CLCN3: variants seen among roughly 807,000 people sequenced by gnomAD.
The protein encoded by CLCN3 is Cl-/H+ antiporter 3.
CLCN3 carries 16 observed loss-of-function variants against 83.4 expected under a neutral mutation model. The observed-to-expected ratio is 0.19, with a 90% CI of 0.13 to 0.29. The LOEUF is 0.29. Ranked by LOEUF, CLCN3 falls within the 10% of genes least tolerant of loss-of-function variation. CLCN3 has a pLI of 1.00. For missense variants in CLCN3, 544 were observed against 1,006.0 expected (o/e 0.54, Z 6.21); for synonymous variants, 322 against 346.2 (o/e 0.93, Z 0.78).
At chr4:169,686,334 A>G (rs1274355223) in intron 3 of CLCN3, among the ~76,000 whole-genome samples, 1 of 152,082 alleles carries the variant, frequency 6.6e-6, no homozygotes, top group Non-Finnish European at 1.5e-5. Context: ...ATAAAAAAAA[A>G]AAAAGAAATA....
chr4:169,639,324 G>T (rs1447077954), intron 2 of CLCN3, among the ~76,000 whole-genome samples: 5 of 152,222 alleles, frequency 3.3e-5, no homozygotes, highest in Admixed American at 6.5e-5. Flanking sequence ...GAGCCACTGT[G>T]CCCAGTCTAT....
chr4:169,694,411 G>A (rs1163681905), intron 7 of CLCN3, among the ~76,000 whole-genome samples: 1 of 152,126 alleles, frequency 6.6e-6, no homozygotes, highest in Non-Finnish European at 1.5e-5. Flanking sequence ...CCTGACTATG[G>A]AGTTCATGAT....
At position 169,690,686 on chromosome 4, in the gene CLCN3, T is replaced by C. The variant is rs369836054; in HGVS notation, c.729+34T>C. The C allele has an allele frequency of 1.3e-4, 211 of 1,580,820 alleles. 1 individual carries two copies. The highest frequency in any genetic ancestry group is 6.9e-5 in the South Asian group (6 of 87,106). On this transcript the variant is annotated intron_variant, in intron 6 of 12. Transcript: ENST00000513761. ...AGTAATATTTAGTGTCATTAAACAT[T>C]ATTATGATGCTTATCTTTTTGACCT... is the stretch of plus-strand genomic sequence containing the variant.
intron 2 of CLCN3, chr4:169,660,218 A>G: frequency 1.7e-6 from 2 of 1,207,104 alleles, no homozygotes; most frequent in Non-Finnish European, 2.1e-6. Flanking sequence ...GGAAGAACCC[A>G]GTTGCTTCAG....
intron 2 of CLCN3, among the ~76,000 whole-genome samples, chr4:169,671,346 A>G (rs1731448787): frequency 1.3e-5 from 2 of 152,186 alleles, no homozygotes; most frequent in South Asian, 4.1e-4. Context: ...CTAACACAGA[A>G]ATAGAAAGCC....
At chr4:169,670,885 A>C (rs1731432495) in intron 2 of CLCN3, among the ~76,000 whole-genome samples, 1 of 152,208 alleles carries the variant, frequency 6.6e-6, no homozygotes, top group South Asian at 2.1e-4. Flanking sequence ...GAAAATCAAA[A>C]CCACAATGAG....
Position 169,687,711 on chromosome 4 carries a change from T to C in CLCN3, c.372T>C (p.Asp124=), listed in dbSNP as rs1029676711. 3 of 1,608,994 alleles carry C rather than the reference T, an allele frequency of 1.9e-6. No homozygotes were observed. Among genetic ancestry groups the C allele is most frequent in the African/African-American group, 1.3e-5 (1 of 74,644 alleles). The stretch of plus-strand genomic sequence containing the variant: ...GGGAAATGACAAAAAGTTTGTATGA[T>C]GCGTGGTCAGGATGGCTAGTAGTAA... The part of the protein sequence containing the change: ...SAWEMTKSLY[D]AWSGWLVVTL... Residue 124 remains aspartate (D), a synonymous_variant, in exon 4 of 13, where the codon GAT becomes GAC. Transcript: ENST00000513761.
chr4:169,646,704 G>T (rs1185720132), intron 2 of CLCN3, among the ~76,000 whole-genome samples: 1 of 152,294 alleles, frequency 6.6e-6, no homozygotes, highest in South Asian at 2.1e-4. Flanking sequence ...TATCTATATT[G>T]TTAAACTGTA....
intron 2 of CLCN3, among the ~76,000 whole-genome samples, chr4:169,664,897 G>A (rs1731188484): frequency 6.6e-6 from 1 of 152,142 alleles, no homozygotes; most frequent in African/African-American, 2.4e-5. Flanking sequence ...CGAGGTTTCT[G>A]CTTTGCGTTT....
At chr4:169,666,115 G>C (rs1300788380) in intron 2 of CLCN3, among the ~76,000 whole-genome samples, 1 of 151,778 alleles carries the variant, frequency 6.6e-6, no homozygotes, top group African/African-American at 2.4e-5. Context: ...CAAACTTCAA[G>C]TTTTAACATG....
At chr4:169,676,976 G>A (rs1273955486) in intron 2 of CLCN3, among the ~76,000 whole-genome samples, 1 of 151,772 alleles carries the variant, frequency 6.6e-6, no homozygotes, top group Non-Finnish European at 1.5e-5. Flanking sequence ...TATTTTTTAG[G>A]AAGTTTTCTT....
chr4:169,711,051 T>C (rs987433330), intron 11 of CLCN3, among the ~76,000 whole-genome samples: 2 of 152,212 alleles, frequency 1.3e-5, no homozygotes, highest in Admixed American at 6.5e-5. Flanking sequence ...TAGAAATGAT[T>C]TACAAACCCT....
chr4:169,692,897 A>T (rs1194387262), intron 7 of CLCN3, among the ~76,000 whole-genome samples: 1 of 152,184 alleles, frequency 6.6e-6, no homozygotes, highest in Non-Finnish European at 1.5e-5. Context: ...GGCCAGCCTG[A>T]GATCTTCTAC....
chr4:169,709,095 T>C (rs933804365), intron 11 of CLCN3, among the ~76,000 whole-genome samples: 1 of 148,358 alleles, frequency 6.7e-6, no homozygotes, highest in East Asian at 1.9e-4. Context: ...AATATTAACA[T>C]AATTACATTA....
intron 2 of CLCN3, among the ~76,000 whole-genome samples, chr4:169,665,299 T>C (rs1731204172): frequency 6.6e-6 from 1 of 152,204 alleles, no homozygotes; most frequent in South Asian, 2.1e-4. Flanking sequence ...TGCCTGGTTG[T>C]GTATCTTTGG....
intron 2 of CLCN3, among the ~76,000 whole-genome samples, chr4:169,677,273 C>A (rs570512694): frequency 1.6e-4 from 24 of 152,120 alleles, no homozygotes; most frequent in Admixed American, 1.4e-3. Context: ...GTAAAGTCTG[C>A]TGTACAGACT....
intron 2 of CLCN3, among the ~76,000 whole-genome samples, chr4:169,665,984 T>TG (rs1731230814): frequency 6.6e-6 from 1 of 151,950 alleles, no homozygotes; most frequent in South Asian, 2.1e-4. Flanking sequence ...TGTGTTGTTT[T>TG]TTTTTTTTTA....
chr4:169,686,072 G>C (rs1732146162), intron 3 of CLCN3, among the ~76,000 whole-genome samples: 1 of 151,918 alleles, frequency 6.6e-6, no homozygotes, highest in Admixed American at 6.6e-5. Flanking sequence ...CTGTCGCAAG[G>C]ACAAAAAACC....
intron 2 of CLCN3, among the ~76,000 whole-genome samples, chr4:169,679,796 A>G (rs1731859756): frequency 1.3e-5 from 2 of 152,296 alleles, no homozygotes; most frequent in African/African-American, 4.8e-5. Flanking sequence ...AGGCTGAGGC[A>G]GGAGAATCAG....
Sources: allele counts gnomAD v4.1 joint callset (sites outside exome capture counted in the v4.1 genomes callset), GRCh38; gene constraint gnomAD v4.1.1; transcripts MANE v1.5; gene names NCBI Gene and HGNC (gene_info 2026-07-23, HGNC 2026-07-21).